EEIG1: variants seen among roughly 807,000 people sequenced by gnomAD.
EEIG1 encodes early estrogen-induced gene 1 protein.
chr9:127,971,483 G>A, the EEIG1 span, among the ~76,000 whole-genome samples: 115,113 of 150,080 alleles, frequency 0.77, 45,528 homozygotes, highest in Non-Finnish European at 0.88. Flanking sequence ...CAGCTGTCCC[G>A]TATGCAAGTG....
At chr9:127,956,388 T>C in the EEIG1 span, among the ~76,000 whole-genome samples, 1 of 152,182 alleles carries the variant, frequency 6.6e-6, no homozygotes, top group Non-Finnish European at 1.5e-5. Context: ...ACTTAAGGAA[T>C]CCACTAAAAA....
At chr9:127,942,855 A>C in the EEIG1 span, 1 of 382,520 alleles carries the variant, frequency 2.6e-6, no homozygotes, top group Non-Finnish European at 4.9e-6. Flanking sequence ...GCATGTCCTC[A>C]GCCAGAGGGC....
the EEIG1 span, among the ~76,000 whole-genome samples, chr9:127,947,263 C>CAAA: frequency 2.1e-5 from 2 of 94,660 alleles, no homozygotes; most frequent in Non-Finnish European, 2.1e-5. Flanking sequence ...ACTAAAAATA[C>CAAA]AAAAAAAAAA....
the EEIG1 span, among the ~76,000 whole-genome samples, chr9:127,951,774 G>A: frequency 5.7e-5 from 8 of 140,448 alleles, no homozygotes; most frequent in African/African-American, 1.9e-4. Context: ...CCGAGATCGC[G>A]CCACTGCACT....
chr9:127,944,985 C>T, the EEIG1 span: 13 of 1,478,818 alleles, frequency 8.8e-6, no homozygotes, highest in South Asian at 2.5e-5. Context: ...GCCAGTCAGC[C>T]GCAGCGGCGC....
At chr9:127,952,230 C>T in the EEIG1 span, among the ~76,000 whole-genome samples, 2 of 152,254 alleles carry the variant, frequency 1.3e-5, no homozygotes, top group South Asian at 2.1e-4. Context: ...GGGACGTCAG[C>T]GCCCCGGGCC....
At chr9:127,955,600 C>A in the EEIG1 span, among the ~76,000 whole-genome samples, 8 of 152,324 alleles carry the variant, frequency 5.3e-5, no homozygotes, top group East Asian at 1.5e-3. Flanking sequence ...TCATTGTCAC[C>A]AGGAGAGGGC....
the EEIG1 span, among the ~76,000 whole-genome samples, chr9:127,964,294 T>TC: frequency 1.3e-5 from 2 of 152,176 alleles, no homozygotes; most frequent in African/African-American, 4.8e-5. Context: ...GCCTCTGTGG[T>TC]CCCGAGGTCA....
chr9:127,964,100 G>T, the EEIG1 span, among the ~76,000 whole-genome samples: 1 of 152,292 alleles, frequency 6.6e-6, no homozygotes, highest in Admixed American at 6.5e-5. Context: ...GGAAAGCCGG[G>T]GGGTGGATGA....
chr9:127,952,940 C>T, the EEIG1 span, among the ~76,000 whole-genome samples: 1 of 152,226 alleles, frequency 6.6e-6, no homozygotes, highest in African/African-American at 2.4e-5. Context: ...TGGTCTTGAA[C>T]TCCTGAGCTC....
At chr9:127,977,858 GAC>G in the EEIG1 span, among the ~76,000 whole-genome samples, 1 of 152,170 alleles carries the variant, frequency 6.6e-6, no homozygotes, top group Non-Finnish European at 1.5e-5. Flanking sequence ...CCTGCTCCAT[GAC>G]ACAGTCCAGG....
chr9:127,976,478 C>T, the EEIG1 span, among the ~76,000 whole-genome samples: 1 of 152,256 alleles, frequency 6.6e-6, no homozygotes, highest in Non-Finnish European at 1.5e-5. The surrounding 1 kb of genome is among the most constrained non-coding windows in gnomAD (Gnocchi z 4.1). Context: ...CCTGGGTGAC[C>T]TCTGGCACTC....
At chr9:127,972,229 C>A in the EEIG1 span, among the ~76,000 whole-genome samples, 26 of 152,244 alleles carry the variant, frequency 1.7e-4, 1 homozygote, top group South Asian at 4.1e-3. This position sits in a 1 kb window ranked among gnomAD's most constrained non-coding sequence, Gnocchi z 4.3. Context: ...CAAGTTCAAG[C>A]CAACAAGGGA....
At chr9:127,940,852 C>G in the EEIG1 span, 1 of 86,948 alleles carries the variant, frequency 1.2e-5, no homozygotes, top group Non-Finnish European at 2.7e-5. Context: ...TCAGTTTGTG[C>G]GGTAAACAGG....
chr9:127,955,110 A>G, the EEIG1 span, among the ~76,000 whole-genome samples: 765 of 152,308 alleles, frequency 5.0e-3, 17 homozygotes, highest in African/African-American at 0.018. Flanking sequence ...GAGAGACGTT[A>G]TCTCCAGCTC....
chr9:127,966,009 C>T, the EEIG1 span, among the ~76,000 whole-genome samples: 7 of 152,140 alleles, frequency 4.6e-5, no homozygotes, highest in Non-Finnish European at 7.4e-5. Flanking sequence ...AGCCCCAAAA[C>T]GCTCTTTGTT....
chr9:127,943,313 G>C, the EEIG1 span: 4 of 1,453,014 alleles, frequency 2.8e-6, no homozygotes, highest in Non-Finnish European at 3.9e-6. Context: ...CAGGCCTCTG[G>C]AGGTGTTTCA....
chr9:127,945,275 T>A, the EEIG1 span: 7 of 1,086,478 alleles, frequency 6.4e-6, no homozygotes, highest in African/African-American at 8.0e-5. This position sits in a 1 kb window ranked among gnomAD's most constrained non-coding sequence, Gnocchi z 6.5. Flanking sequence ...GTGGGGACCT[T>A]ACGGTCCCTG....
chr9:127,961,610 A>G, the EEIG1 span, among the ~76,000 whole-genome samples: 1 of 152,204 alleles, frequency 6.6e-6, no homozygotes, highest in Non-Finnish European at 1.5e-5. Context: ...AGACAGACAA[A>G]ACCAGGCAAA....
Sources: allele counts gnomAD v4.1 joint callset (sites outside exome capture counted in the v4.1 genomes callset), GRCh38; gene constraint gnomAD v4.1.1; non-coding constraint Gnocchi (gnomAD v3.1); transcripts MANE v1.5; gene names NCBI Gene and HGNC (gene_info 2026-07-23, HGNC 2026-07-21).